DIP2C: variants seen among roughly 807,000 people sequenced by gnomAD.
DIP2C encodes disco-interacting protein 2 homolog C.
In DIP2C, 33 loss-of-function variants were observed where a neutral mutation model predicts 192.4. That is an observed-to-expected ratio of 0.17 (90% CI 0.13 to 0.23). DIP2C has a LOEUF of 0.23. DIP2C is among the 10% of genes least tolerant of loss of function. The pLI is 1.00. For missense variants in DIP2C, 1,537 were observed against 2,110.1 expected (o/e 0.73, Z 5.32); for synonymous variants, 979 against 864.1 (o/e 1.13, Z -2.33).
rs113837334 is a variant in DIP2C, at chr10:289,766, G to A, written c.3987-1345C>T. Among the ~76,000 whole-genome samples the A allele has an allele frequency of 1.9e-3, 284 of 152,320 alleles. 1 individual carries two copies. Among genetic ancestry groups the A allele is most frequent in the African/African-American group, 6.5e-3 (269 of 41,574 alleles). On this transcript the variant is annotated intron_variant, in intron 32 of 36. Coordinates refer to ENST00000280886, the MANE Select transcript of DIP2C (RefSeq NM_014974.3). ...CTCTGCGTGGCACGAGGGAGGCCAC[G>A]GAGGGTGCGCACCCCTCTGGGAATG...
chr10:378,488 T>A (rs1371916185), intron 17 of DIP2C, among the ~76,000 whole-genome samples: 3 of 151,760 alleles, frequency 2.0e-5, no homozygotes, highest in Admixed American at 6.6e-5. Flanking sequence ...TGCATACATG[T>A]GAACACAGAC....
intron 10 of DIP2C, among the ~76,000 whole-genome samples, chr10:393,853 A>G (rs1963718130): frequency 6.7e-6 from 1 of 150,350 alleles, no homozygotes; most frequent in Admixed American, 6.6e-5. Flanking sequence ...ACCCACAAGG[A>G]GACATCACCT....
chr10:475,871 G>C (rs938438850), intron 2 of DIP2C, among the ~76,000 whole-genome samples: 4 of 152,208 alleles, frequency 2.6e-5, no homozygotes, highest in African/African-American at 9.6e-5. Flanking sequence ...GGGCAGCAGA[G>C]GGGCATACCC....
At position 689,465 on chromosome 10, in the gene DIP2C, G is replaced by A; in HGVS notation, c.85+29C>T. 2 of 1,133,624 alleles carry A rather than the reference G, an allele frequency of 1.8e-6. No homozygotes were observed. The highest frequency in any genetic ancestry group is 2.3e-5 in the South Asian group (1 of 43,202). 70.2% of individuals were successfully genotyped at this position (1,133,624 alleles called of 1,614,324 possible). A position where few individuals can be genotyped will look rare whatever the true frequency, so the allele number is the denominator to read the frequency against. ...GCGCGGCCCTCCCCGGTGACAGCGC[G>A]GCCCGGCCCGGGGCGGGGGCCCGGT... On this transcript the variant is annotated intron_variant, in intron 1 of 36. Transcript: ENST00000280886. The surrounding 1 kb of genome is among the most constrained non-coding windows in gnomAD (Gnocchi z 6.1).
chr10:590,406 T>C (rs1406427849), intron 1 of DIP2C, among the ~76,000 whole-genome samples: 9 of 152,324 alleles, frequency 5.9e-5, no homozygotes, highest in Admixed American at 3.9e-4. Context: ...ACACTGAGCA[T>C]CTTCTCCCAG....
intron 32 of DIP2C, among the ~76,000 whole-genome samples, chr10:305,983 ATATATATATAT>A (rs1019392365): frequency 8.6e-5 from 13 of 150,414 alleles, no homozygotes; most frequent in African/African-American, 3.2e-4. Flanking sequence ...ATATATATAT[ATATATATATAT>A]TATATTTTTT....
chr10:430,686 C>T (rs767680817), intron 4 of DIP2C, among the ~76,000 whole-genome samples: 1 of 152,154 alleles, frequency 6.6e-6, no homozygotes, highest in African/African-American at 2.4e-5. Context: ...TTATTGGAGT[C>T]CAGCTTATCA....
At chr10:612,623 T>C (rs1285793543) in intron 1 of DIP2C, among the ~76,000 whole-genome samples, 1 of 152,202 alleles carries the variant, frequency 6.6e-6, no homozygotes, top group Non-Finnish European at 1.5e-5. Flanking sequence ...TTTGAAAGGC[T>C]GGAGATGGGA....
In DIP2C at chr10:442,715, T is replaced by C. The variant is rs543772297; in HGVS notation, c.269-1719A>G. ...TTCAGATACTATATTCCTCTATACC[T>C]AAATGTTTCAATGTATTTCCTAAAC... is the stretch of plus-strand genomic sequence containing the variant. On this transcript the variant is annotated intron_variant, in intron 3 of 36. Coordinates refer to ENST00000280886, the MANE Select transcript of DIP2C (RefSeq NM_014974.3). Among the ~76,000 whole-genome samples, 4 of 152,314 alleles carry C rather than the reference T, an allele frequency of 2.6e-5. No individual in the cohort carries two copies. In the South Asian group the frequency reaches 8.3e-4, roughly 32 times the overall value.
intron 4 of DIP2C, among the ~76,000 whole-genome samples, chr10:426,915 A>C (rs1966630682): frequency 6.6e-6 from 1 of 152,142 alleles, no homozygotes; most frequent in Admixed American, 6.6e-5. Context: ...AAAATGGATC[A>C]CAGACCTAAA....
intron 4 of DIP2C, among the ~76,000 whole-genome samples, chr10:436,887 C>T (rs10904209): frequency 0.35 from 42,445 of 122,362 alleles, 6,013 homozygotes; most frequent in South Asian, 0.51. Flanking sequence ...TGATATGCTC[C>T]GCCCACACCT....
At chr10:338,932 C>T (rs896770202) in intron 29 of DIP2C, among the ~76,000 whole-genome samples, 16 of 151,634 alleles carry the variant, frequency 1.1e-4, no homozygotes, top group South Asian at 2.1e-4. Flanking sequence ...ACCCTGCACC[C>T]TGCCTGGCTC....
chr10:588,973 G>A (rs956128964), intron 1 of DIP2C, among the ~76,000 whole-genome samples: 7 of 152,290 alleles, frequency 4.6e-5, no homozygotes, highest in South Asian at 4.2e-4. Flanking sequence ...CAGGAGTCCC[G>A]GCTGCCTCTG....
At position 357,788 on chromosome 10, in the gene DIP2C, GTCGGGGACGGTCGGGGAGACTCAGGGAC is replaced by G; in HGVS notation, c.2904+12_2904+39del. ...CAGATGGTCGGGGACAGTCGGAAAA[GTCGGGGACGGTCGGGGAGACTCAGGGAC>G]CCAGCTCCTACCTTGCGTGCCTGGT... On this transcript the variant is annotated intron_variant, in intron 23 of 36. Transcript: ENST00000280886. The G allele has an allele frequency of 6.6e-7, 1 of 1,513,750 alleles. No individual in the cohort carries two copies. Among genetic ancestry groups the G allele is most frequent in the South Asian group, 1.1e-5 (1 of 87,832 alleles). 93.8% of individuals were successfully genotyped at this position (1,513,750 alleles called of 1,614,324 possible).
At chr10:282,457 T>G (rs1177757365) in intron 35 of DIP2C, among the ~76,000 whole-genome samples, 1 of 152,238 alleles carries the variant, frequency 6.6e-6, no homozygotes, top group Non-Finnish European at 1.5e-5. Context: ...TAGAGAGGTA[T>G]GTAAGGAAGC....
In DIP2C at chr10:277,542, A is replaced by G. The variant is rs1239327346; in HGVS notation, c.4454T>C (p.Val1485Ala). ...TTGTTCCGACCCATCCAGCTCAACC[A>G]CAACCACCAACAAATTTGTCCAGGT... ...VFTWTNLLVV[V>A]VELDGSEQEA... The change falls in exon 37 of 37, where the codon GTG becomes GCG. Residue 1485 changes from valine (V) to alanine (A), a missense_variant. By Grantham distance (64) the Val-to-Ala change is moderately conservative. This residue lies in a region of DIP2C where 341 missense variants were observed against 551.7 expected (regional missense o/e 0.62). Transcript: ENST00000280886. 3.1e-6 allele frequency: 5 copies of G among 1,614,150 alleles called. No individual in the cohort carries two copies. The highest frequency in any genetic ancestry group is 4.2e-6 in the Non-Finnish European group (5 of 1,180,042).
intron 29 of DIP2C, among the ~76,000 whole-genome samples, chr10:329,897 A>G (rs1589499757): frequency 6.6e-6 from 1 of 152,214 alleles, no homozygotes; most frequent in East Asian, 1.9e-4. Context: ...CTGCGACATC[A>G]GCAAACTGGA....
chr10:458,780 C>T (rs1294943343), intron 3 of DIP2C, among the ~76,000 whole-genome samples: 3 of 151,984 alleles, frequency 2.0e-5, no homozygotes, highest in African/African-American at 7.2e-5. Flanking sequence ...TGCTCGGCAC[C>T]CCGTGACGGC....
intron 1 of DIP2C, among the ~76,000 whole-genome samples, chr10:541,348 A>G (rs1343080553): frequency 2.6e-5 from 4 of 152,108 alleles, no homozygotes; most frequent in African/African-American, 7.2e-5. Flanking sequence ...GCCAAAAGCA[A>G]AAACACATTT....
Sources: gnomAD v4.1 joint callset for allele counts (sites outside exome capture counted in the v4.1 genomes callset) on GRCh38, gnomAD v4.1.1 for gene constraint, gnomAD v4.1.1 regional missense constraint, Gnocchi (gnomAD v3.1) non-coding constraint, MANE v1.5 for transcripts, NCBI Gene and HGNC (gene_info 2026-07-23, HGNC 2026-07-21) for gene names.